The following NR2E1 variants were observed in gnomAD, a reference collection of about 807,000 sequenced individuals.
NR2E1 encodes nuclear receptor subfamily 2 group E member 1, also known as nuclear receptor TLX.
In NR2E1, 5 loss-of-function variants were observed where a neutral mutation model predicts 43.6. The observed-to-expected ratio is 0.11, with a 90% CI of 0.06 to 0.24. NR2E1 has a LOEUF of 0.24. NR2E1 is among the 10% of genes least tolerant of loss of function. NR2E1 has a pLI of 1.00. For missense variants in NR2E1, 287 were observed against 496.7 expected, an observed-to-expected ratio of 0.58 and a Z score of 4.01; for synonymous variants, 191 against 195.5, an observed-to-expected ratio of 0.98 and a Z score of 0.19.
chr6:108,176,666 C>A lies in NR2E1; in HGVS notation c.423C>A (p.Gly141=). ...FTAVTQLEPH[G]LELAAVSTTP... ...CGGTCACGCAGCTGGAGCCGCACGG[C>A]CTGGAGCTGGCCGCGGTGTCCACCA... is the stretch of plus-strand genomic sequence containing the variant. The change falls in exon 4 of 9, where the codon GGC becomes GGA. Residue 141 remains glycine, a synonymous_variant. Coordinates refer to ENST00000368986, the MANE Select transcript of NR2E1 (RefSeq NM_003269.5). The A allele has an allele frequency of 6.2e-7, 1 of 1,603,924 alleles. No individual in the cohort carries two copies.
chr6:108,187,330 A>T lies in NR2E1; in HGVS notation c.1025A>T (p.Lys342Ile). Residue 342 changes from lysine to isoleucine, a missense_variant, in exon 9 of 9, where the codon AAA becomes ATA. Lys to Ile is a moderately radical substitution (Grantham distance 102, BLOSUM62 -3). Around this residue, in one of 4 missense-constraint regions of NR2E1, gnomAD observed 119 missense variants for 187.0 expected, o/e 0.64. Coordinates refer to ENST00000368986, the MANE Select transcript of NR2E1 (RefSeq NM_003269.5). Reference protein sequence around the residue: ...RYPTQPCRFGKLLLLLPALRS... With the variant: ...RYPTQPCRFGILLLLLPALRS... Reference sequence around the variant, plus strand: ...CCCACTCAACCCTGTCGCTTTGGAAAACTCCTGTTGCTTTTGCCAGCTTTA... The same window carrying T: ...CCCACTCAACCCTGTCGCTTTGGAATACTCCTGTTGCTTTTGCCAGCTTTA... The T allele has an allele frequency of 6.2e-7, 1 of 1,614,124 alleles. No individual in the cohort carries two copies. The highest frequency in any genetic ancestry group is 8.5e-7 in the Non-Finnish European group (1 of 1,180,018).
chr6:108,173,623 T>C (rs1156522825), intron 2 of NR2E1, among the ~76,000 whole-genome samples: 1 of 152,228 alleles, frequency 6.6e-6, no homozygotes, highest in Non-Finnish European at 1.5e-5. Flanking sequence ...AAAACATACT[T>C]ACTCCAACTC....
At position 108,169,381 on chromosome 6, in the gene NR2E1, G is replaced by C. The variant is rs1359967841; in HGVS notation, c.26-2077G>C. On this transcript the variant is annotated intron_variant, in intron 1 of 8. Coordinates refer to ENST00000368986, the MANE Select transcript of NR2E1 (RefSeq NM_003269.5). This position sits in a 1 kb window ranked among gnomAD's most constrained non-coding sequence, Gnocchi z 6.1. ...ACTGGTCTTCCCTCCACCCTCATCGGGTTCTCCAGAGATGTTGTCATGGGC... is the reference window on the plus strand; with the variant it reads ...ACTGGTCTTCCCTCCACCCTCATCGCGTTCTCCAGAGATGTTGTCATGGGC... Among the ~76,000 whole-genome samples, 1 of 152,202 alleles carries C rather than the reference G, an allele frequency of 6.6e-6. No individual in the cohort carries two copies. Among genetic ancestry groups the C allele is most frequent in the Non-Finnish European group, 1.5e-5 (1 of 68,024 alleles).
intron 5 of NR2E1, among the ~76,000 whole-genome samples, 178 bp downstream of exon 5, chr6:108,178,419 T>G (rs1325980710): frequency 3.3e-5 from 5 of 152,228 alleles, no homozygotes; most frequent in African/African-American, 1.2e-4. Context: ...AATATCTACC[T>G]ATATGATCCT....
At chr6:108,184,960 T>C (rs962433799) in intron 8 of NR2E1, among the ~76,000 whole-genome samples, 1 of 152,256 alleles carries the variant, frequency 6.6e-6, no homozygotes, top group Non-Finnish European at 1.5e-5. Context: ...TATTTCATTC[T>C]GATATCAGCT....
In NR2E1 at chr6:108,176,440, C is replaced by T. The variant is rs1773898402; in HGVS notation, c.260-63C>T. On this transcript the variant is annotated intron_variant, in intron 3 of 8. Coordinates refer to ENST00000368986, the MANE Select transcript of NR2E1 (RefSeq NM_003269.5). ...CATTGGGGCGGGGCTGGGGGGAGAGCCGCAGCGGCTGTGTCTCGACGTCTC... is the reference window on the plus strand; with the variant it reads ...CATTGGGGCGGGGCTGGGGGGAGAGTCGCAGCGGCTGTGTCTCGACGTCTC... 10 of 1,523,128 alleles carry T rather than the reference C, an allele frequency of 6.6e-6. No individual in the cohort carries two copies. In the East Asian group the frequency reaches 2.3e-4, roughly 35 times the overall value. The allele number at this position is 1,523,128 out of a possible 1,614,324, so 94.4% of individuals were successfully genotyped here.
chr6:108,170,027 G>A (rs957325318), intron 1 of NR2E1, among the ~76,000 whole-genome samples: 6 of 150,016 alleles, frequency 4.0e-5, no homozygotes, highest in African/African-American at 7.4e-5. Context: ...GACCCACGGT[G>A]CAAGCTCGCC....
intron 7 of NR2E1, 99 bp from the exon 8 acceptor site, chr6:108,181,447 G>C: frequency 3.1e-6 from 3 of 979,518 alleles, no homozygotes; most frequent in Non-Finnish European, 4.9e-6. Context: ...GCCTGCCTCG[G>C]CCTCCCAAAG....
chr6:108,175,656 C>T (rs924707359), intron 3 of NR2E1, among the ~76,000 whole-genome samples: 1 of 152,196 alleles, frequency 6.6e-6, no homozygotes, highest in African/African-American at 2.4e-5. Context: ...GCCCCAGGCC[C>T]AGGCAGGGGG....
At position 108,169,041 on chromosome 6, in the gene NR2E1, C is replaced by T. The variant is rs1290104010; in HGVS notation, c.25+2251C>T. Reference sequence around the variant, plus strand: ...GTTTTCCAGCTTCAGGAAACTCCGGCTCGCCTCACGTCGGAGCTCGCTCGG... The same window carrying T: ...GTTTTCCAGCTTCAGGAAACTCCGGTTCGCCTCACGTCGGAGCTCGCTCGG... On this transcript the variant is annotated intron_variant, in intron 1 of 8. Coordinates refer to ENST00000368986, the MANE Select transcript of NR2E1 (RefSeq NM_003269.5). This position sits in a 1 kb window ranked among gnomAD's most constrained non-coding sequence, Gnocchi z 6.1. The T allele has an allele frequency of 6.6e-6, 1 of 152,404 alleles. No individual in the cohort carries two copies. The highest frequency in any genetic ancestry group is 2.1e-4 in the South Asian group (1 of 4,832). 9.4% of individuals were successfully genotyped at this position (152,404 alleles called of 1,614,324 possible).
chr6:108,170,179 A>G (rs1263214908), intron 1 of NR2E1, among the ~76,000 whole-genome samples: 1 of 151,722 alleles, frequency 6.6e-6, no homozygotes, highest in African/African-American at 2.4e-5. Flanking sequence ...GTAGTCCCCA[A>G]CCCAAGCGCT....
chr6:108,170,848 C>T (rs545064929), intron 1 of NR2E1, among the ~76,000 whole-genome samples: 1 of 152,310 alleles, frequency 6.6e-6, no homozygotes, highest in South Asian at 2.1e-4. Flanking sequence ...AAGCGACTCA[C>T]CAAGCATTTT....
rs770323203 is a variant in NR2E1, at chr6:108,171,607, C to T, written c.171+4C>T. The T allele has an allele frequency of 6.2e-7, 1 of 1,614,050 alleles. No homozygotes were observed. ...TGTCTGCAAATCTGGAAACCAGGTA[C>T]CTTAGCCAGGGCTGCACTGCTGGGC... On this transcript the variant is annotated splice_donor_region_variant and intron_variant, in intron 2 of 8. Coordinates refer to ENST00000368986, the MANE Select transcript of NR2E1 (RefSeq NM_003269.5).
chr6:108,182,741 T>A (rs1436375985), intron 8 of NR2E1, among the ~76,000 whole-genome samples: 1 of 152,018 alleles, frequency 6.6e-6, no homozygotes, highest in Non-Finnish European at 1.5e-5. Context: ...GTATTTTCAG[T>A]AGAGACGGGG....
In NR2E1 at chr6:108,166,733, G is replaced by T; in HGVS notation, c.-33G>T. On this transcript the variant is annotated 5_prime_UTR_variant, in exon 1 of 9. Coordinates refer to ENST00000368986, the MANE Select transcript of NR2E1 (RefSeq NM_003269.5). This position sits in a 1 kb window ranked among gnomAD's most constrained non-coding sequence, Gnocchi z 7.2. The stretch of plus-strand genomic sequence containing the variant: ...CGCTGCCGGCCGGGACTCGGGCAGC[G>T]CCCACCAACCGCTCCGCCCCGGGAC... The T allele has an allele frequency of 6.5e-7, 1 of 1,540,888 alleles. No homozygotes were observed. Among genetic ancestry groups the T allele is most frequent in the African/African-American group, 1.4e-5 (1 of 71,792 alleles).
chr6:108,184,528 C>A (rs1774043665), intron 8 of NR2E1, among the ~76,000 whole-genome samples: 1 of 152,096 alleles, frequency 6.6e-6, no homozygotes, highest in Non-Finnish European at 1.5e-5. Flanking sequence ...GAGTGAGGGA[C>A]AATCAGAAAA....
rs748692037 is a variant in NR2E1, at chr6:108,166,921, G to T, written c.25+131G>T. The T allele has an allele frequency of 8.2e-6, 8 of 971,214 alleles. No homozygotes were observed. Among genetic ancestry groups the T allele is most frequent in the Non-Finnish European group, 1.3e-5 (8 of 635,116 alleles). 60.2% of individuals were successfully genotyped at this position (971,214 alleles called of 1,614,324 possible). A position where few individuals can be genotyped will look rare whatever the true frequency, so the allele number is the denominator to read the frequency against. On this transcript the variant is annotated intron_variant, in intron 1 of 8. Coordinates refer to ENST00000368986, the MANE Select transcript of NR2E1 (RefSeq NM_003269.5). This position sits in a 1 kb window ranked among gnomAD's most constrained non-coding sequence, Gnocchi z 7.2. ...GAGAGGGATTCCAGCGGGCGTGTGC[G>T]TTCGGCCCAGACCTGTAGACCGTGA...
intron 3 of NR2E1, chr6:108,176,204 G>C (rs957432105): frequency 2.2e-6 from 1 of 449,970 alleles, no homozygotes; most frequent in Non-Finnish European, 4.0e-6. Flanking sequence ...TTCCCTGGTG[G>C]GGAGGAGCCC....
At position 108,174,978 on chromosome 6, in the gene NR2E1, G is replaced by A; in HGVS notation, c.259+55G>A. On this transcript the variant is annotated intron_variant, in intron 3 of 8. Coordinates refer to ENST00000368986, the MANE Select transcript of NR2E1 (RefSeq NM_003269.5). Reference sequence around the variant, plus strand: ...TGATTGAGTAGTAAGTAAATTATATGTACAGAAAATACATGGCACTCCTAT... The same window carrying A: ...TGATTGAGTAGTAAGTAAATTATATATACAGAAAATACATGGCACTCCTAT... 4 of 1,527,604 alleles carry A rather than the reference G, an allele frequency of 2.6e-6. No individual in the cohort carries two copies. In the South Asian group the frequency reaches 4.5e-5, roughly 17 times the overall value. The allele number at this position is 1,527,604 out of a possible 1,614,324, so 94.6% of individuals were successfully genotyped here. A position where few individuals can be genotyped will look rare whatever the true frequency, so the allele number is the denominator to read the frequency against.
Sources: gnomAD v4.1 joint callset for allele counts (sites outside exome capture counted in the v4.1 genomes callset) on GRCh38, gnomAD v4.1.1 for gene constraint, gnomAD v4.1.1 regional missense constraint, Gnocchi (gnomAD v3.1) non-coding constraint, MANE v1.5 for transcripts, NCBI Gene and HGNC (gene_info 2026-07-23, HGNC 2026-07-21) for gene names.